UBR7: variants seen among roughly 807,000 people sequenced by gnomAD.
The protein encoded by UBR7 is putative E3 ubiquitin-protein ligase UBR7.
Under a neutral mutation model 57.0 loss-of-function variants are expected in UBR7, and 22 were observed. The observed-to-expected ratio is 0.39, with a 90% CI of 0.28 to 0.55. UBR7 has a LOEUF of 0.55. UBR7 is among the 20% of genes least tolerant of loss of function. The probability of loss-of-function intolerance (pLI) is 0.69; values close to 1 mark genes in which losing one functional copy is unlikely to be tolerated. For missense variants in UBR7, 395 were observed against 513.2 expected (o/e 0.77, Z 2.23); for synonymous variants, 167 against 179.8 (o/e 0.93, Z 0.57).
Position 93,227,419 on chromosome 14 carries a change from G to A in UBR7, c.*384G>A, listed in dbSNP as rs1376130311. On this transcript the variant is annotated 3_prime_UTR_variant, in exon 11 of 11. Coordinates refer to ENST00000013070, the MANE Select transcript of UBR7 (RefSeq NM_175748.4). ...GCTGTTGCCTTCCAGAACCTCCTCC[G>A]CAGGCATCACGGAAGGCTCTCTTCC... 1.5e-5 allele frequency: 10 copies of A among 665,936 alleles called. No homozygotes were observed. Among genetic ancestry groups the A allele is most frequent in the East Asian group, 1.2e-4 (4 of 34,206 alleles). 41.3% of individuals were successfully genotyped at this position (665,936 alleles called of 1,614,324 possible).
At chr14:93,210,886 T>C (rs1033670203) in intron 3 of UBR7, among the ~76,000 whole-genome samples, 178 bp downstream of exon 3, 2 of 152,222 alleles carry the variant, frequency 1.3e-5, no homozygotes, top group Admixed American at 1.3e-4. Context: ...GTTGAGAGCC[T>C]ACAAGATAGA....
At chr14:93,219,651 C>T (rs1894664419) in intron 8 of UBR7, among the ~76,000 whole-genome samples, 3 of 152,066 alleles carry the variant, frequency 2.0e-5, no homozygotes, top group Admixed American at 1.3e-4. Context: ...TTTGTTATAT[C>T]AAAGTTGCTT....
rs374948983 is a variant in UBR7 at position 93,207,267 on chromosome 14, G to A, written c.-25G>A. ...CTTTTCCCGCCTCCGCCGGGGCCGA[G>A]CCGCTGTTCGGCTGACAGTTGAGGA... is the stretch of plus-strand genomic sequence containing the variant. On this transcript the variant is annotated 5_prime_UTR_variant, in exon 1 of 11. Transcript: ENST00000013070. 2.3e-5 allele frequency: 35 copies of A among 1,550,374 alleles called. No individual in the cohort carries two copies. Among genetic ancestry groups the A allele is most frequent in the East Asian group, 2.2e-4 (9 of 40,982 alleles).
At chr14:93,218,180 C>G (rs1172233021) in intron 6 of UBR7, among the ~76,000 whole-genome samples, 1 of 151,748 alleles carries the variant, frequency 6.6e-6, no homozygotes, top group African/African-American at 2.4e-5. Context: ...GAGGCTGAGG[C>G]AGGCAGATCA....
intron 10 of UBR7, among the ~76,000 whole-genome samples, chr14:93,225,960 C>T (rs1253302020): frequency 6.6e-6 from 1 of 152,130 alleles, no homozygotes; most frequent in African/African-American, 2.4e-5. Context: ...AGTGTAAATT[C>T]CCGTGCCATT....
intron 8 of UBR7, among the ~76,000 whole-genome samples, 184 bp from the exon 9 acceptor site, chr14:93,220,065 G>T (rs891620269): frequency 3.9e-5 from 6 of 152,036 alleles, no homozygotes; most frequent in African/African-American, 1.4e-4. Context: ...ATTTCTGAAA[G>T]AAATTTAGGC....
At chr14:93,213,599 G>A (rs529366889) in intron 4 of UBR7, among the ~76,000 whole-genome samples, 1 of 152,112 alleles carries the variant, frequency 6.6e-6, no homozygotes, top group African/African-American at 2.4e-5. Flanking sequence ...GAGCCACCGC[G>A]CCCAGCCAAA....
intron 8 of UBR7, 131 bp from the exon 9 acceptor site, chr14:93,220,118 C>T (rs1362608487): frequency 3.5e-6 from 3 of 868,602 alleles, no homozygotes. Context: ...TAAAGACGCT[C>T]CAGTTTTTCT....
Position 93,228,602 on chromosome 14 carries a change from G to A in UBR7, c.*1567G>A. 2.2e-6 allele frequency: 1 copy of A among 454,074 alleles called. No homozygotes were observed. Among genetic ancestry groups the A allele is most frequent in the Non-Finnish European group, 4.4e-6 (1 of 226,772 alleles). 28.1% of individuals were successfully genotyped at this position (454,074 alleles called of 1,614,324 possible). A position where few individuals can be genotyped will look rare whatever the true frequency, so the allele number is the denominator to read the frequency against. ...GAAGGGTGGTATGTGGAGCTGGAAG[G>A]TCTTGTGGCCACAGGACATGCTGGT... On this transcript the variant is annotated 3_prime_UTR_variant, in exon 11 of 11. Coordinates refer to ENST00000013070, the MANE Select transcript of UBR7 (RefSeq NM_175748.4).
chr14:93,223,006 C>T (rs79741816), intron 10 of UBR7, among the ~76,000 whole-genome samples: 16,192 of 152,140 alleles, frequency 0.11, 909 homozygotes, highest in African/African-American at 0.14. Context: ...GACCTTGAAG[C>T]ATGGATCTTT....
chr14:93,211,829 CA>C (rs951045219), intron 3 of UBR7, among the ~76,000 whole-genome samples: 23 of 148,126 alleles, frequency 1.6e-4, no homozygotes, highest in African/African-American at 4.4e-4. Context: ...CAAAAAAAAA[CA>C]AAAAAAAATT....
At chr14:93,226,554 G>C (rs1894851808) in intron 10 of UBR7, among the ~76,000 whole-genome samples, 1 of 152,202 alleles carries the variant, frequency 6.6e-6, no homozygotes, top group Non-Finnish European at 1.5e-5. Flanking sequence ...ACTTTGGGAG[G>C]CCGAGGCAGG....
In UBR7 at chr14:93,209,951, C is replaced by T; in HGVS notation, c.278C>T (p.Thr93Ile). The change falls in exon 2 of 11, where the codon ACA (threonine) becomes ATA (isoleucine). Residue 93 changes from threonine (T) to isoleucine (I), a missense_variant. Transcript: ENST00000013070. ...HGSHKLFELYTKRNFRCDCGN... is the reference protein window; with the variant it reads ...HGSHKLFELYIKRNFRCDCGN... ...AGTCACAAACTATTTGAGCTATACA[C>T]AAAAAGGTAAACATAGTCAAGAGAT... 2 of 1,613,876 alleles carry T rather than the reference C, an allele frequency of 1.2e-6. No individual in the cohort carries two copies. The highest frequency in any genetic ancestry group is 1.7e-6 in the Non-Finnish European group (2 of 1,179,926).
At chr14:93,209,143 T>C (rs1001790590) in intron 1 of UBR7, among the ~76,000 whole-genome samples, 2 of 152,182 alleles carry the variant, frequency 1.3e-5, no homozygotes, top group African/African-American at 4.8e-5. Flanking sequence ...TTTTGTCACA[T>C]TTGTTTTATC....
rs59667536 is a variant in UBR7, at chr14:93,225,463, C to CAA, written c.1186-1461_1186-1460dup. Among the ~76,000 whole-genome samples the CAA allele has an allele frequency of 1.4e-3, 156 of 110,134 alleles. 3 individuals are homozygous for CAA. Among genetic ancestry groups the CAA allele is most frequent in the African/African-American group, 3.1e-3 (98 of 31,562 alleles). The allele number at this position is 110,134 out of a possible 152,430, so 72.3% of individuals were successfully genotyped here. A position where few individuals can be genotyped will look rare whatever the true frequency, so the allele number is the denominator to read the frequency against. ...GCAAGATGATGAGACCCCGCCTCTA[C>CAA]AAAAAAAAAAAAAAAAAAAATTAGG... On this transcript the variant is annotated intron_variant, in intron 10 of 10. Coordinates refer to ENST00000013070, the MANE Select transcript of UBR7 (RefSeq NM_175748.4).
intron 7 of UBR7, 42 bp from the exon 8 acceptor site, chr14:93,219,170 G>A: frequency 1.3e-6 from 2 of 1,598,392 alleles, no homozygotes; most frequent in Non-Finnish European, 8.6e-7. Context: ...TGAAAACTAT[G>A]GTAGTTTAAA....
intron 4 of UBR7, among the ~76,000 whole-genome samples, chr14:93,213,992 T>C (rs765694717): frequency 1.3e-5 from 2 of 152,076 alleles, no homozygotes; most frequent in Non-Finnish European, 2.9e-5. Flanking sequence ...AGTAGTGCGA[T>C]CTCAGCTCAC....
chr14:93,209,879 A>G lies in UBR7; in HGVS notation c.206A>G (p.Glu69Gly). ...TGTAGTACCTGCACCCCAGAGGGAGAAGAACCAGCAGGAATTTGTTTAGCT... is the reference window on the plus strand; with the variant it reads ...TGTAGTACCTGCACCCCAGAGGGAGGAGAACCAGCAGGAATTTGTTTAGCT... The part of the protein sequence containing the change: ...YACSTCTPEG[E>G]EPAGICLACS... The change falls in exon 2 of 11, where the codon GAA becomes GGA. Residue 69 changes from glutamate (E) to glycine (G), a missense_variant. By Grantham distance (98) the Glu-to-Gly change is moderately conservative. Coordinates refer to ENST00000013070, the MANE Select transcript of UBR7 (RefSeq NM_175748.4). 6.2e-7 allele frequency: 1 copy of G among 1,614,054 alleles called. No individual in the cohort carries two copies. Among genetic ancestry groups the G allele is most frequent in the Non-Finnish European group, 8.5e-7 (1 of 1,179,980 alleles).
chr14:93,222,950 CAGA>C (rs1048354746), intron 10 of UBR7, among the ~76,000 whole-genome samples: 37 of 152,130 alleles, frequency 2.4e-4, no homozygotes, highest in African/African-American at 8.2e-4. Flanking sequence ...TGTAGCTTAG[CAGA>C]AGGTCATTGG....
Sources: allele counts gnomAD v4.1 joint callset (sites outside exome capture counted in the v4.1 genomes callset), GRCh38; gene constraint gnomAD v4.1.1; transcripts MANE v1.5; gene names NCBI Gene and HGNC (gene_info 2026-07-23, HGNC 2026-07-21).